The following LUZP2 variants were observed in gnomAD, a reference collection of about 807,000 sequenced individuals.
The protein encoded by LUZP2 is leucine zipper protein 2.
Under a neutral mutation model 51.6 loss-of-function variants are expected in LUZP2, and 52 were observed. That is an observed-to-expected ratio of 1.01 (90% CI 0.81 to 1.27). The LOEUF is 1.27. Ranked by LOEUF, LUZP2 falls within the 50% of genes most tolerant of loss-of-function variation. The pLI, the probability that LUZP2 is intolerant of heterozygous loss-of-function variation, is 0.00. For synonymous variants in LUZP2, 154 were observed against 137.3 expected (o/e 1.12, Z -0.85); for missense variants, 436 against 395.4 (o/e 1.10, Z -0.87).
At chr11:24,765,166 TAATC>T (rs1202157783) in intron 5 of LUZP2, among the ~76,000 whole-genome samples, 1 of 152,196 alleles carries the variant, frequency 6.6e-6, no homozygotes. Flanking sequence ...TTTTAGTAAA[TAATC>T]AGTACGCATG....
intron 1 of LUZP2, among the ~76,000 whole-genome samples, chr11:24,616,643 G>C (rs12287940): frequency 2.6e-5 from 4 of 151,774 alleles, no homozygotes; most frequent in African/African-American, 4.9e-5. Flanking sequence ...TGAGTTGTCA[G>C]TGGTGTTGCA....
At position 25,015,412 on chromosome 11, in the gene LUZP2, G is replaced by A. The variant is rs528186818; in HGVS notation, c.765+32119G>A. On this transcript the variant is annotated intron_variant, in intron 9 of 11. Coordinates refer to ENST00000336930, the MANE Select transcript of LUZP2 (RefSeq NM_001009909.4). The stretch of plus-strand genomic sequence containing the variant: ...TACAGACCCTATTTGGGTTTCATCA[G>A]TTTTTCTTACTAATATCCTTTTCCT... Among the ~76,000 whole-genome samples, 32 of 152,236 alleles carry A rather than the reference G, an allele frequency of 2.1e-4. 1 individual carries two copies. The South Asian group carries it at 6.4e-3, about 31-fold the overall frequency.
chr11:25,044,392 G>T (rs1163130576), intron 9 of LUZP2, among the ~76,000 whole-genome samples: 1 of 150,576 alleles, frequency 6.6e-6, no homozygotes, highest in African/African-American at 2.4e-5. Context: ...TATCATTCTG[G>T]TGTTAATTAA....
At chr11:24,918,550 T>C (rs925361988) in intron 7 of LUZP2, among the ~76,000 whole-genome samples, 1 of 151,808 alleles carries the variant, frequency 6.6e-6, no homozygotes, top group Non-Finnish European at 1.5e-5. Flanking sequence ...TAGGTATTGA[T>C]GGGACGTATC....
chr11:24,622,833 A>G (rs1327927498), intron 1 of LUZP2, among the ~76,000 whole-genome samples: 10 of 152,174 alleles, frequency 6.6e-5, no homozygotes, highest in Admixed American at 5.9e-4. Flanking sequence ...CTCTCCACAC[A>G]CACCTTTCAC....
At chr11:24,968,600 A>G (rs749549217) in intron 7 of LUZP2, among the ~76,000 whole-genome samples, 1 of 152,024 alleles carries the variant, frequency 6.6e-6, no homozygotes, top group Non-Finnish European at 1.5e-5. Flanking sequence ...TGTATAATTT[A>G]TTACCCTGGT....
At chr11:25,023,090 G>A (rs1857386192) in intron 9 of LUZP2, among the ~76,000 whole-genome samples, 1 of 152,216 alleles carries the variant, frequency 6.6e-6, no homozygotes, top group South Asian at 2.1e-4. Flanking sequence ...GTTCATCAGG[G>A]AAATTGGTCT....
intron 5 of LUZP2, among the ~76,000 whole-genome samples, chr11:24,812,142 A>G (rs1292043252): frequency 6.6e-6 from 1 of 152,196 alleles, no homozygotes; most frequent in Non-Finnish European, 1.5e-5. Flanking sequence ...ATTTGATGGT[A>G]GAAATGTATA....
At chr11:24,894,513 G>A (rs1055558359) in intron 5 of LUZP2, among the ~76,000 whole-genome samples, 1 of 151,684 alleles carries the variant, frequency 6.6e-6, no homozygotes. Context: ...AAGGGTACTT[G>A]TACAGATGTG....
chr11:24,714,549 A>G lies in LUZP2; in HGVS notation c.63-14620A>G, dbSNP rs574327238. 3.3e-5 allele frequency among the ~76,000 whole-genome samples: 5 copies of G among 152,222 alleles called. No homozygotes were observed. The East Asian group carries it at 9.7e-4, about 30-fold the overall frequency. ...GAAATAGAAAGCTTTGTTTTCTGAA[A>G]TGCTTTCAGAAAAATGATAGTAAAA... On this transcript the variant is annotated intron_variant, in intron 1 of 11. Transcript: ENST00000336930.
intron 5 of LUZP2, among the ~76,000 whole-genome samples, chr11:24,768,426 G>A (rs1027418356): frequency 2.0e-4 from 31 of 152,096 alleles, no homozygotes; most frequent in African/African-American, 7.0e-4. Flanking sequence ...TTTAAATAAA[G>A]GTGTTAGTTG....
intron 1 of LUZP2, among the ~76,000 whole-genome samples, chr11:24,600,398 G>C (rs144549258): frequency 6.6e-6 from 1 of 152,104 alleles, no homozygotes; most frequent in Non-Finnish European, 1.5e-5. Context: ...AGAACTTTGA[G>C]AGAATACATT....
At chr11:24,500,292 T>C (rs1849956243) in intron 1 of LUZP2, among the ~76,000 whole-genome samples, 1 of 152,204 alleles carries the variant, frequency 6.6e-6, no homozygotes, top group Non-Finnish European at 1.5e-5. Flanking sequence ...TGGTCTCTCC[T>C]GCTTAGAAAA....
At chr11:24,665,927 A>AT (rs111999558) in intron 1 of LUZP2, among the ~76,000 whole-genome samples, 128 of 151,972 alleles carry the variant, frequency 8.4e-4, no homozygotes, top group Admixed American at 3.5e-3. Flanking sequence ...GTTTGTTTCC[A>AT]TTTTTTTTAC....
At position 25,079,357 on chromosome 11, in the gene LUZP2, G is replaced by A. The variant is rs1305215226; in HGVS notation, c.*699G>A. On this transcript the variant is annotated 3_prime_UTR_variant, in exon 12 of 12. Coordinates refer to ENST00000336930, the MANE Select transcript of LUZP2 (RefSeq NM_001009909.4). ...GACACATCTCCTATGTATGTCTACT[G>A]TAATTAATCCAAGTTAATAACCAAG... is the stretch of plus-strand genomic sequence containing the variant. 1 of 152,122 alleles carries A rather than the reference G, an allele frequency of 6.6e-6. No homozygotes were observed. Among genetic ancestry groups the A allele is most frequent in the Non-Finnish European group, 1.5e-5 (1 of 68,008 alleles). The allele number at this position is 152,122 out of a possible 1,614,324, so 9.4% of individuals were successfully genotyped here. A position where few individuals can be genotyped will look rare whatever the true frequency, so the allele number is the denominator to read the frequency against.
chr11:24,629,987 T>C (rs191749724), intron 1 of LUZP2, among the ~76,000 whole-genome samples: 1 of 150,248 alleles, frequency 6.7e-6, no homozygotes, highest in African/African-American at 2.5e-5. Flanking sequence ...GCCATTTGTA[T>C]GTCTTCTTTT....
chr11:24,743,689 C>T (rs1388130390), intron 4 of LUZP2, among the ~76,000 whole-genome samples: 2 of 152,004 alleles, frequency 1.3e-5, no homozygotes, highest in Non-Finnish European at 2.9e-5. Flanking sequence ...ATTTCTTTCT[C>T]TTTTCTGATT....
intron 5 of LUZP2, among the ~76,000 whole-genome samples, chr11:24,863,040 GACAA>G (rs978657275): frequency 6.6e-6 from 1 of 152,126 alleles, no homozygotes; most frequent in African/African-American, 2.4e-5. Context: ...AGATTAGAAA[GACAA>G]ACAACACTAG....
intron 1 of LUZP2, among the ~76,000 whole-genome samples, chr11:24,684,204 C>A (rs1470102623): frequency 6.6e-6 from 1 of 152,138 alleles, no homozygotes; most frequent in Admixed American, 6.6e-5. Context: ...TCAGTCTGAG[C>A]TTTATGAATA....
Sources: allele counts gnomAD v4.1 joint callset (sites outside exome capture counted in the v4.1 genomes callset), GRCh38; gene constraint gnomAD v4.1.1; transcripts MANE v1.5; gene names NCBI Gene and HGNC (gene_info 2026-07-23, HGNC 2026-07-21).